CCDC88A: variants seen among roughly 807,000 people sequenced by gnomAD.
CCDC88A encodes girdin.
Under a neutral mutation model 234.3 loss-of-function variants are expected in CCDC88A, and 54 were observed. The ratio of observed to expected loss-of-function variants is 0.23; its 90% CI spans 0.19 to 0.29. The LOEUF is 0.29. Ranked by LOEUF, CCDC88A falls within the 10% of genes least tolerant of loss-of-function variation. The probability of loss-of-function intolerance (pLI) is 1.00; values close to 1 mark genes in which losing one functional copy is unlikely to be tolerated. For synonymous variants in CCDC88A, 753 were observed against 737.8 expected, an observed-to-expected ratio of 1.02 and a Z score of -0.33; for missense variants, 1,832 against 2,123.4, an observed-to-expected ratio of 0.86 and a Z score of 2.70.
rs1668852201 is a variant in CCDC88A at position 55,344,400 on chromosome 2, G to T, written c.1156C>A (p.Gln386Lys). 6 of 1,593,490 alleles carry T rather than the reference G, an allele frequency of 3.8e-6. No homozygotes were observed. Among genetic ancestry groups the T allele is most frequent in the Non-Finnish European group, 4.3e-6 (5 of 1,168,414 alleles). ...KLHELEKENL[Q>K]LKAKLHDMEM... is the part of the protein sequence containing the mutation. ...ATATCATGAAGTTTAGCTTTCAGTT[G>T]TAAGTTCTCTTTTTCTAATTCATGT... Residue 386 changes from glutamine to lysine, a missense_variant, in exon 11 of 33, where the codon CAA becomes AAA. Coordinates refer to ENST00000436346, the MANE Select transcript of CCDC88A (RefSeq NM_001365480.1).
intron 2 of CCDC88A, among the ~76,000 whole-genome samples, chr2:55,408,531 C>T (rs1228509648): frequency 6.6e-6 from 1 of 152,082 alleles, no homozygotes; most frequent in Non-Finnish European, 1.5e-5. Context: ...CAAGAGTGTC[C>T]TCTGGTTGTC....
In CCDC88A at chr2:55,414,439, A is replaced by G. The variant is rs141300489; in HGVS notation, c.164+4377T>C. On this transcript the variant is annotated intron_variant, in intron 2 of 32. Coordinates refer to ENST00000436346, the MANE Select transcript of CCDC88A (RefSeq NM_001365480.1). ...CCACTGAAGTAGGAAAATGCCCTACAGCGTACAGAAGAGCTGGCCCATCAT... is the reference window on the plus strand; with the variant it reads ...CCACTGAAGTAGGAAAATGCCCTACGGCGTACAGAAGAGCTGGCCCATCAT... 2.7e-3 allele frequency among the ~76,000 whole-genome samples: 416 copies of G among 152,386 alleles called. 2 individuals are homozygous for G. Among genetic ancestry groups the G allele is most frequent in the African/African-American group, 9.9e-3 (412 of 41,594 alleles).
chr2:55,354,023 T>C (rs1376174306), intron 8 of CCDC88A, among the ~76,000 whole-genome samples: 1 of 152,198 alleles, frequency 6.6e-6, no homozygotes, highest in Non-Finnish European at 1.5e-5. Flanking sequence ...TTATACAGCA[T>C]GTGACAGTAC....
intron 3 of CCDC88A, among the ~76,000 whole-genome samples, chr2:55,385,606 A>T (rs1675445923): frequency 6.6e-6 from 1 of 151,514 alleles, no homozygotes; most frequent in Admixed American, 6.6e-5. Flanking sequence ...TAATCTCAGC[A>T]CTTTGGAAGG....
intron 17 of CCDC88A, chr2:55,324,099 TCA>T (rs1683967836): frequency 6.6e-6 from 1 of 152,176 alleles, no homozygotes; most frequent in African/African-American, 2.4e-5. Flanking sequence ...ATCTTTATAT[TCA>T]GAGTCTAAAG....
chr2:55,400,612 G>T (rs1678444050), intron 2 of CCDC88A, among the ~76,000 whole-genome samples: 1 of 152,224 alleles, frequency 6.6e-6, no homozygotes, highest in Admixed American at 6.5e-5. Flanking sequence ...TGAAGTTAAA[G>T]TTAGCAATTT....
chr2:55,367,528 G>GTTTTTTTTTTTTT lies in CCDC88A; in HGVS notation c.403-3496_403-3495insAAAAAAAAAAAAA. 0.014 allele frequency among the ~76,000 whole-genome samples: 1,354 copies of GTTTTTTTTTTTTT among 99,850 alleles called. 223 individuals carry two copies. In the East Asian group the frequency reaches 0.15, roughly 11 times the overall value. The allele number at this position is 99,850 out of a possible 152,430, so 65.5% of individuals were successfully genotyped here. A position where few individuals can be genotyped will look rare whatever the true frequency, so the allele number is the denominator to read the frequency against. ...TTGCTAGAAATTGTTTTATTTCCTT[G>GTTTTTTTTTTTTT]TTTTTTTTTAAGAGACTGGGTCTTG... On this transcript the variant is annotated intron_variant, in intron 5 of 32. Coordinates refer to ENST00000436346, the MANE Select transcript of CCDC88A (RefSeq NM_001365480.1).
rs981408834 is a variant in CCDC88A, at chr2:55,362,372, G to A, written c.563C>T (p.Pro188Leu). Residue 188 changes from proline (P) to leucine (L), a missense_variant, in exon 7 of 33, where the codon CCA (proline) becomes CTA (leucine). Pro to Leu is a moderately conservative substitution (Grantham distance 98, BLOSUM62 -3). Around this residue, in one of 6 missense-constraint regions of CCDC88A, gnomAD observed 1,282 missense variants for 1,543.6 expected, o/e 0.83. Coordinates refer to ENST00000436346, the MANE Select transcript of CCDC88A (RefSeq NM_001365480.1). ...ATGCAATGCCATATTTTTCAAGAGT[G>A]GTTCTATGTCCTCCTGCGACATATC... ...VTDMSQEDIE[P>L]LLKNMALHLK... 1.3e-6 allele frequency: 2 copies of A among 1,598,666 alleles called. No homozygotes were observed. The highest frequency in any genetic ancestry group is 2.3e-5 in the East Asian group (1 of 43,432).
At chr2:55,299,787 T>G (rs1680657875) in intron 29 of CCDC88A, 52 bp downstream of exon 29, 1 of 1,248,906 alleles carries the variant, frequency 8.0e-7, no homozygotes, top group East Asian at 2.3e-5. Flanking sequence ...ATCTCCCACC[T>G]TTAAATACTG....
chr2:55,343,380 T>C (rs991592869), intron 12 of CCDC88A, among the ~76,000 whole-genome samples: 8 of 152,118 alleles, frequency 5.3e-5, no homozygotes, highest in African/African-American at 9.7e-5. Context: ...TAAACTGATA[T>C]TGCAGCCTCT....
chr2:55,343,928 G>A (rs998450645), intron 11 of CCDC88A, 136 bp from the exon 12 acceptor site: 45 of 704,598 alleles, frequency 6.4e-5, no homozygotes, highest in Non-Finnish European at 9.3e-5. Context: ...TTTCAGTTTT[G>A]AAGGCAATTA....
chr2:55,302,795 G>GT (rs891063091), intron 26 of CCDC88A: 8 of 234,800 alleles, frequency 3.4e-5, no homozygotes, highest in East Asian at 8.1e-5. Context: ...AAAATAAAGG[G>GT]TTTTTTTCCT....
At chr2:55,399,978 A>T (rs2104938403) in intron 2 of CCDC88A, among the ~76,000 whole-genome samples, 1 of 152,326 alleles carries the variant, frequency 6.6e-6, no homozygotes, top group South Asian at 2.1e-4. Flanking sequence ...ATATAATAAA[A>T]ATCACAATAC....
chr2:55,373,619 T>C (rs17046963), intron 4 of CCDC88A, among the ~76,000 whole-genome samples: 6,850 of 152,292 alleles, frequency 0.045, 486 homozygotes, highest in African/African-American at 0.15. Flanking sequence ...AGACCATTTA[T>C]TTCCACTCCT....
rs1680082320 is a variant in CCDC88A at position 55,409,299 on chromosome 2, TC to T, written c.164+9516del. Among the ~76,000 whole-genome samples the T allele has an allele frequency of 3.3e-5, 5 of 152,284 alleles. No individual in the cohort carries two copies. The South Asian group carries it at 1.0e-3, about 32-fold the overall frequency. Reference sequence around the variant, plus strand: ...GCTTAAAATGTCCTTCCTTCCACTCTCCCACTACTTATGACTCCTGTTCACT... The same window carrying T: ...GCTTAAAATGTCCTTCCTTCCACTCTCCACTACTTATGACTCCTGTTCACT... On this transcript the variant is annotated intron_variant, in intron 2 of 32. Coordinates refer to ENST00000436346, the MANE Select transcript of CCDC88A (RefSeq NM_001365480.1).
At chr2:55,405,040 T>G (rs1157084302) in intron 2 of CCDC88A, 1 of 152,274 alleles carries the variant, frequency 6.6e-6, no homozygotes, top group Non-Finnish European at 1.5e-5. Context: ...CAAAATAGTT[T>G]TTAAAAGGCA....
chr2:55,392,976 T>G (rs1301940528), intron 2 of CCDC88A, among the ~76,000 whole-genome samples: 1 of 152,206 alleles, frequency 6.6e-6, no homozygotes, highest in Non-Finnish European at 1.5e-5. Context: ...TGTTGTTGTT[T>G]TTTTTCTATA....
intron 29 of CCDC88A, among the ~76,000 whole-genome samples, chr2:55,299,402 A>G (rs1409388154): frequency 1.3e-5 from 2 of 152,222 alleles, no homozygotes; most frequent in Non-Finnish European, 2.9e-5. Flanking sequence ...ATATATATAC[A>G]CAAATAGTTG....
intron 8 of CCDC88A, among the ~76,000 whole-genome samples, chr2:55,351,876 A>C (rs961494437): frequency 6.6e-6 from 1 of 152,220 alleles, no homozygotes. Context: ...ATTCAGTGGA[A>C]TATTACTCAA....
Sources: gnomAD v4.1 joint callset for allele counts (sites outside exome capture counted in the v4.1 genomes callset) on GRCh38, gnomAD v4.1.1 for gene constraint, gnomAD v4.1.1 regional missense constraint, MANE v1.5 for transcripts, NCBI Gene and HGNC (gene_info 2026-07-23, HGNC 2026-07-21) for gene names.